EIF4G3: variants seen among roughly 807,000 people sequenced by gnomAD.
The protein encoded by EIF4G3 is eukaryotic translation initiation factor 4 gamma 3, also known as eIF-4-gamma 3.
Under a neutral mutation model 186.4 loss-of-function variants are expected in EIF4G3, and 34 were observed. That is an observed-to-expected ratio of 0.18 (90% CI 0.14 to 0.24). EIF4G3 has a LOEUF of 0.24. EIF4G3 is among the 10% of genes least tolerant of loss of function. The pLI, the probability that EIF4G3 is intolerant of heterozygous loss-of-function variation, is 1.00. For synonymous variants in EIF4G3, 673 were observed against 679.5 expected, an observed-to-expected ratio of 0.99 and a Z score of 0.15; for missense variants, 1,536 against 1,948.5, an observed-to-expected ratio of 0.79 and a Z score of 3.99.
chr1:21,064,434 T>C (rs2095121393), intron 3 of EIF4G3: 2 of 152,220 alleles, frequency 1.3e-5, no homozygotes, highest in Non-Finnish European at 2.9e-5. Context: ...ATCTTACTAT[T>C]ATATGGCTAT....
intron 2 of EIF4G3, among the ~76,000 whole-genome samples, chr1:21,146,735 C>A (rs772835373): frequency 2.0e-5 from 3 of 150,864 alleles, no homozygotes; most frequent in Non-Finnish European, 4.4e-5. Context: ...CCCGCCTGGA[C>A]AACAAGAGCA....
chr1:20,878,287 A>T (rs1439977694), intron 20 of EIF4G3, among the ~76,000 whole-genome samples: 1 of 152,110 alleles, frequency 6.6e-6, no homozygotes, highest in Non-Finnish European at 1.5e-5. Context: ...TGTATTCCCC[A>T]TTGTGTCAGG....
At chr1:20,980,498 C>T (rs76816247) in intron 9 of EIF4G3, 50 bp from the exon 10 acceptor site, 25 of 1,222,342 alleles carry the variant, frequency 2.0e-5, no homozygotes, top group African/African-American at 4.9e-5. Flanking sequence ...TATCTGGGGG[C>T]GAAAAACATA....
rs781227690 is a variant in EIF4G3, at chr1:20,810,820, C to A, written c.4662G>T (p.Lys1554Asn). 6.2e-7 allele frequency: 1 copy of A among 1,614,150 alleles called. No individual in the cohort carries two copies. Among genetic ancestry groups the A allele is most frequent in the South Asian group, 1.1e-5 (1 of 91,084 alleles). ...CCTTCTCTGTATCTGAGTCTAGGTA[C>A]TTGAGTAAGATCGGCACTCTCTGCT... ...VIKQRVPILLKYLDSDTEKEL... is the reference protein window; with the variant it reads ...VIKQRVPILLNYLDSDTEKEL... The change falls in exon 36 of 37, where the codon AAG becomes AAT. Residue 1554 changes from lysine to asparagine, a missense_variant. This residue lies in a region of EIF4G3 where 395 missense variants were observed against 498.9 expected (regional missense o/e 0.79). Coordinates refer to ENST00000602326, the MANE Select transcript of EIF4G3 (RefSeq NM_001391906.1). The surrounding 1 kb of genome is among the most constrained non-coding windows in gnomAD (Gnocchi z 4.1).
chr1:20,891,030 TA>T lies in EIF4G3; in HGVS notation c.2253+2486del, dbSNP rs575708691. On this transcript the variant is annotated intron_variant, in intron 18 of 36. Coordinates refer to ENST00000602326, the MANE Select transcript of EIF4G3 (RefSeq NM_001391906.1). ...ATCTTTTTGGAGCTACTACAAATTC[TA>T]GATAACATCTCACTTCTAGTCACAT... 4.3e-4 allele frequency among the ~76,000 whole-genome samples: 66 copies of T among 152,352 alleles called. No homozygotes were observed. The South Asian group carries it at 5.8e-3, about 13-fold the overall frequency.
rs140680387 is a variant in EIF4G3, at chr1:21,130,370, G to A, written c.-271-41157C>T. ...CTCCCGAGTGGTTGGGATTAAAGGT[G>A]CCCACCACCACACTCAGCTAATTTT... is the stretch of plus-strand genomic sequence containing the variant. On this transcript the variant is annotated intron_variant, in intron 2 of 36. Transcript: ENST00000602326. Among the ~76,000 whole-genome samples the A allele has an allele frequency of 2.1e-3, 321 of 151,902 alleles. 2 individuals carry two copies. Among genetic ancestry groups the A allele is most frequent in the African/African-American group, 7.2e-3 (300 of 41,464 alleles).
chr1:21,162,195 T>G (rs1428264503), intron 2 of EIF4G3: 34 of 152,034 alleles, frequency 2.2e-4, no homozygotes, highest in Admixed American at 2.2e-3. Context: ...TATAATAAAC[T>G]AATGATATCT....
intron 2 of EIF4G3, among the ~76,000 whole-genome samples, chr1:21,140,495 T>C (rs1489787234): frequency 6.6e-6 from 1 of 152,120 alleles, no homozygotes; most frequent in Non-Finnish European, 1.5e-5. Context: ...TGTATTTTTA[T>C]TAGAGATGGG....
intron 2 of EIF4G3, among the ~76,000 whole-genome samples, chr1:21,129,530 A>G (rs2097113810): frequency 6.6e-6 from 1 of 150,964 alleles, no homozygotes; most frequent in Admixed American, 6.6e-5. Context: ...GAAACTGGAG[A>G]GAGTCCCATC....
At chr1:21,112,314 CA>C (rs1437940546) in intron 2 of EIF4G3, among the ~76,000 whole-genome samples, 1 of 152,124 alleles carries the variant, frequency 6.6e-6, no homozygotes, top group African/African-American at 2.4e-5. Flanking sequence ...AACCATTCTA[CA>C]AGTCAATCTC....
chr1:21,061,789 C>T lies in EIF4G3; in HGVS notation c.-195-10795G>A, dbSNP rs1449944029. The stretch of plus-strand genomic sequence containing the variant: ...TTGAGACAGAGTCTCACTCTGTCAC[C>T]CAGGCTGCAGTACAGTGGCGCGATC... On this transcript the variant is annotated intron_variant, in intron 3 of 36. Transcript: ENST00000602326. 2.0e-5 allele frequency among the ~76,000 whole-genome samples: 3 copies of T among 150,260 alleles called. No homozygotes were observed. The East Asian group carries it at 5.9e-4, about 29-fold the overall frequency.
intron 34 of EIF4G3, among the ~76,000 whole-genome samples, chr1:20,816,880 T>C (rs1300600950): frequency 8.4e-6 from 1 of 118,710 alleles, no homozygotes; most frequent in African/African-American, 3.0e-5. Flanking sequence ...GGGAGACTTT[T>C]CATTTTGTTC....
intron 17 of EIF4G3, among the ~76,000 whole-genome samples, chr1:20,894,350 C>T (rs2087176654): frequency 6.6e-6 from 1 of 152,172 alleles, no homozygotes. Flanking sequence ...TTCTGAGGTA[C>T]TGAAGTAGCC....
At chr1:21,148,262 G>A (rs1558185572) in intron 2 of EIF4G3, among the ~76,000 whole-genome samples, 2 of 152,026 alleles carry the variant, frequency 1.3e-5, no homozygotes, top group Non-Finnish European at 2.9e-5. Flanking sequence ...ACAGAGACAA[G>A]GTCTTGCTAT....
intron 2 of EIF4G3, among the ~76,000 whole-genome samples, chr1:21,119,435 C>A (rs1249374576): frequency 6.6e-6 from 1 of 152,032 alleles, no homozygotes; most frequent in Non-Finnish European, 1.5e-5. Context: ...CAGTTTGCAA[C>A]CTAATTTTCC....
At chr1:20,855,643 A>G (rs1308726632) in intron 25 of EIF4G3, among the ~76,000 whole-genome samples, 2 of 152,228 alleles carry the variant, frequency 1.3e-5, no homozygotes, top group Non-Finnish European at 1.5e-5. Context: ...AAATAAAATT[A>G]CGCTGTAATG....
At position 21,135,298 on chromosome 1, in the gene EIF4G3, G is replaced by C. The variant is rs566180131; in HGVS notation, c.-272+40877C>G. 4.1e-4 allele frequency among the ~76,000 whole-genome samples: 63 copies of C among 152,194 alleles called. 2 individuals carry two copies. The South Asian group carries it at 0.01, about 25-fold the overall frequency. On this transcript the variant is annotated intron_variant, in intron 2 of 36. Transcript: ENST00000602326. ...GTGGATCACCTGAGGTCAGAAATTC[G>C]AGACCAGCCTGGCCAACATGGTGAA...
intron 2 of EIF4G3, among the ~76,000 whole-genome samples, chr1:21,095,561 C>G (rs575028180): frequency 1.3e-5 from 2 of 152,236 alleles, no homozygotes; most frequent in East Asian, 3.9e-4. Context: ...AATCCTCTTG[C>G]CTCAGCCTCC....
chr1:21,020,406 C>T (rs1415365371), intron 4 of EIF4G3, among the ~76,000 whole-genome samples: 1 of 152,148 alleles, frequency 6.6e-6, no homozygotes, highest in African/African-American at 2.4e-5. Context: ...GGAAGAACTG[C>T]TTCAGCCTAG....
Sources: allele counts gnomAD v4.1 joint callset (sites outside exome capture counted in the v4.1 genomes callset), GRCh38; gene constraint gnomAD v4.1.1; regional missense constraint gnomAD v4.1.1; non-coding constraint Gnocchi (gnomAD v3.1); transcripts MANE v1.5; gene names NCBI Gene and HGNC (gene_info 2026-07-23, HGNC 2026-07-21).